RPA1: variants seen among roughly 807,000 people sequenced by gnomAD.
RPA1 encodes replication protein A1, also known as replication protein A 70 kDa DNA-binding subunit.
Under a neutral mutation model 83.0 loss-of-function variants are expected in RPA1, and 49 were observed. The ratio of observed to expected loss-of-function variants is 0.59; its 90% confidence interval spans 0.47 to 0.75. The LOEUF (loss-of-function observed/expected upper bound fraction) is 0.75. Among genes scored for constraint, RPA1 ranks in the 30% least tolerant of loss-of-function variants. The pLI, the probability that RPA1 is intolerant of heterozygous loss-of-function variation, is 0.00. For synonymous variants in RPA1, 279 were observed against 281.8 expected, an observed-to-expected ratio of 0.99 and a Z score of 0.10; for missense variants, 693 against 776.1, an observed-to-expected ratio of 0.89 and a Z score of 1.27.
intron 13 of RPA1, 40 bp downstream of exon 13, chr17:1,883,984 A>C: frequency 6.2e-7 from 1 of 1,606,082 alleles, no homozygotes. Flanking sequence ...AGGGCTGTAA[A>C]GTGTGCAGAA....
chr17:1,872,711 T>G (rs1411513945), intron 6 of RPA1, among the ~76,000 whole-genome samples, 185 bp downstream of exon 6: 2 of 96,778 alleles, frequency 2.1e-5, no homozygotes, highest in Non-Finnish European at 4.5e-5. Context: ...AGATTGTCTT[T>G]TTTTTTTTTT....
intron 1 of RPA1, among the ~76,000 whole-genome samples, chr17:1,839,635 A>ATT (rs144744428): frequency 5.3e-5 from 7 of 131,244 alleles, no homozygotes; most frequent in African/African-American, 5.6e-5. Flanking sequence ...CTCTAGCTTC[A>ATT]TTTTTTTTTT....
intron 2 of RPA1, among the ~76,000 whole-genome samples, chr17:1,843,459 T>C (rs1912132407): frequency 6.6e-6 from 1 of 151,966 alleles, no homozygotes; most frequent in African/African-American, 2.4e-5. Flanking sequence ...CTCTGCCGCC[T>C]GATCACGGAC....
chr17:1,842,619 C>G (rs751326175), intron 1 of RPA1, among the ~76,000 whole-genome samples, 184 bp from the exon 2 acceptor site: 1 of 152,118 alleles, frequency 6.6e-6, no homozygotes, highest in Non-Finnish European at 1.5e-5. Context: ...TTGTAAAACA[C>G]GTATCTCCCT....
At chr17:1,836,494 T>C (rs11654477) in intron 1 of RPA1, among the ~76,000 whole-genome samples, 31,208 of 152,066 alleles carry the variant, frequency 0.21, 3,382 homozygotes, top group Admixed American at 0.24. Context: ...TGTGGAGATA[T>C]AGAATACTTC....
chr17:1,839,256 C>T (rs1911946624), intron 1 of RPA1, among the ~76,000 whole-genome samples: 1 of 152,178 alleles, frequency 6.6e-6, no homozygotes. Context: ...ACCACATCAT[C>T]ATAAACATTG....
chr17:1,874,717 G>A (rs567296618), intron 6 of RPA1, among the ~76,000 whole-genome samples: 1 of 152,264 alleles, frequency 6.6e-6, no homozygotes, highest in African/African-American at 2.4e-5. Flanking sequence ...AATTACTATT[G>A]TGTGTGTATT....
intron 11 of RPA1, among the ~76,000 whole-genome samples, chr17:1,880,169 G>C (rs1203799259): frequency 6.6e-6 from 1 of 152,152 alleles, no homozygotes; most frequent in African/African-American, 2.4e-5. Flanking sequence ...TGTCCTATAG[G>C]ATGGGGCTGT....
intron 1 of RPA1, among the ~76,000 whole-genome samples, chr17:1,841,884 T>C (rs569033987): frequency 6.6e-6 from 1 of 152,288 alleles, no homozygotes; most frequent in Admixed American, 6.5e-5. Context: ...TTTTTCTCTA[T>C]TCTTTGAATG....
chr17:1,845,673 G>C (rs1567804176), intron 4 of RPA1, among the ~76,000 whole-genome samples: 1 of 152,152 alleles, frequency 6.6e-6, no homozygotes, highest in Non-Finnish European at 1.5e-5. Context: ...GCTCACACCT[G>C]TCATGCCAAC....
At chr17:1,883,664 C>T in intron 12 of RPA1, 148 bp from the exon 13 acceptor site, 1 of 657,884 alleles carries the variant, frequency 1.5e-6, no homozygotes, top group Non-Finnish European at 2.4e-6. Context: ...TACGAAGATA[C>T]CAGCTTCAGC....
chr17:1,889,404 C>T (rs1207805154), intron 14 of RPA1, among the ~76,000 whole-genome samples: 1 of 151,518 alleles, frequency 6.6e-6, no homozygotes, highest in African/African-American at 2.4e-5. Context: ...GGTATCATCA[C>T]AGCTCATGGT....
At chr17:1,837,128 G>A (rs183848137) in intron 1 of RPA1, among the ~76,000 whole-genome samples, 41 of 152,022 alleles carry the variant, frequency 2.7e-4, no homozygotes, top group Admixed American at 1.0e-3. Flanking sequence ...GAGCCACCAC[G>A]CCCGGCCTAA....
Position 1,880,270 on chromosome 17 carries a change from GGTAA to G in RPA1, c.1093-269_1093-266del, listed in dbSNP as rs145378082. Among the ~76,000 whole-genome samples the G allele has an allele frequency of 2.1e-3, 314 of 152,286 alleles. 7 individuals carry two copies. In the East Asian group the frequency reaches 0.049, roughly 24 times the overall value. On this transcript the variant is annotated intron_variant, in intron 11 of 16. Coordinates refer to ENST00000254719, the MANE Select transcript of RPA1 (RefSeq NM_002945.5). ...GTAGATGGGAAGGATTGTGCTGTCTGGTAAGTATTTAAAATCCTTTATCTTACTT... is the reference window on the plus strand; with the variant it reads ...GTAGATGGGAAGGATTGTGCTGTCTGGTATTTAAAATCCTTTATCTTACTT...
chr17:1,883,253 A>T (rs1913864738), intron 12 of RPA1, among the ~76,000 whole-genome samples: 1 of 152,042 alleles, frequency 6.6e-6, no homozygotes, highest in Admixed American at 6.5e-5. Flanking sequence ...GCCTCCTGAG[A>T]ATTGCCTACA....
chr17:1,853,665 A>G (rs538710970), intron 5 of RPA1, among the ~76,000 whole-genome samples: 2 of 152,354 alleles, frequency 1.3e-5, no homozygotes, highest in African/African-American at 2.4e-5. Context: ...CCTGGGCAAC[A>G]GAGTGAGACT....
At chr17:1,862,083 G>A (rs943858264) in intron 5 of RPA1, among the ~76,000 whole-genome samples, 16 of 150,704 alleles carry the variant, frequency 1.1e-4, no homozygotes, top group African/African-American at 3.9e-4. Flanking sequence ...CAGTAGAGAC[G>A]GGGTTTCACT....
intron 5 of RPA1, chr17:1,858,390 G>A: frequency 1.3e-6 from 2 of 1,595,276 alleles, no homozygotes; most frequent in Non-Finnish European, 1.7e-6. Flanking sequence ...AGAGCTGAGG[G>A]CTAAAGTGGG....
At chr17:1,881,779 T>C (rs1400801397) in intron 12 of RPA1, among the ~76,000 whole-genome samples, 1 of 152,204 alleles carries the variant, frequency 6.6e-6, no homozygotes, top group Non-Finnish European at 1.5e-5. Context: ...TAAAATAACT[T>C]GGCATTGATC....
Sources: gnomAD v4.1 joint callset for allele counts (sites outside exome capture counted in the v4.1 genomes callset) on GRCh38, gnomAD v4.1.1 for gene constraint, MANE v1.5 for transcripts, NCBI Gene and HGNC (gene_info 2026-07-23, HGNC 2026-07-21) for gene names.